Variants in RBPMS2 observed in about 807,000 individuals in gnomAD.
RBPMS2 encodes RNA-binding protein with multiple splicing 2.
A neutral mutation model predicts 25.7 loss-of-function variants in RBPMS2; 14 were observed. The ratio of observed to expected loss-of-function variants is 0.55; its 90% CI spans 0.36 to 0.85. The LOEUF (loss-of-function observed/expected upper bound fraction) is 0.85, where lower values mean the gene tolerates loss of function less well. RBPMS2 is among the 40% of genes least tolerant of loss of function. The pLI, the probability that RBPMS2 is intolerant of heterozygous loss-of-function variation, is 0.01. For synonymous variants in RBPMS2, 127 were observed against 115.6 expected, an observed-to-expected ratio of 1.10 and a Z score of -0.63; for missense variants, 252 against 283.4, an observed-to-expected ratio of 0.89 and a Z score of 0.80.
At chr15:64,750,020 C>T (rs372557362) in intron 3 of RBPMS2, among the ~76,000 whole-genome samples, 5 of 151,740 alleles carry the variant, frequency 3.3e-5, no homozygotes, top group Admixed American at 2.6e-4. Context: ...CGTGCCATTG[C>T]ACTCCAGCCT....
intron 1 of RBPMS2, among the ~76,000 whole-genome samples, chr15:64,774,271 G>C (rs187980229): frequency 2.0e-5 from 3 of 152,298 alleles, no homozygotes; most frequent in Admixed American, 6.5e-5. Context: ...GGGCAGGAAG[G>C]CTCTCTCACC....
intron 5 of RBPMS2, 143 bp downstream of exon 5, chr15:64,748,857 G>C (rs973032617): frequency 1.1e-6 from 1 of 919,318 alleles, no homozygotes; most frequent in African/African-American, 1.7e-5. Context: ...GGCTGCAGGG[G>C]AGGGAGGAAA....
intron 1 of RBPMS2, among the ~76,000 whole-genome samples, chr15:64,766,745 G>C (rs1188744712): frequency 6.6e-6 from 1 of 151,854 alleles, no homozygotes; most frequent in African/African-American, 2.4e-5. Flanking sequence ...TAGCCAGGAT[G>C]GTCTCGATCT....
At chr15:64,744,789 G>GTTTGGTTTGT (rs1567062870) in intron 6 of RBPMS2, among the ~76,000 whole-genome samples, 3 of 61,604 alleles carry the variant, frequency 4.9e-5, no homozygotes, top group Non-Finnish European at 8.8e-5. Flanking sequence ...AGTTTTTTTG[G>GTTTGGTTTGT]TTTGTTTTGT....
chr15:64,775,161 G>A (rs2083921256), intron 1 of RBPMS2, 72 bp downstream of exon 1: 11 of 863,060 alleles, frequency 1.3e-5, no homozygotes, highest in Non-Finnish European at 1.5e-5. Flanking sequence ...AGGCGCGGCA[G>A]GCCCCGCTCG....
At position 64,744,798 on chromosome 15, in the gene RBPMS2, G is replaced by T. The variant is rs796762762; in HGVS notation, c.568-3556C>A. On this transcript the variant is annotated intron_variant, in intron 6 of 7. Coordinates refer to ENST00000300069, the MANE Select transcript of RBPMS2 (RefSeq NM_194272.3). ...TATTTAAGTTTTTTTGGTTTGTTTT[G>T]TTTTTTTTTTTTTTTTTTTTTTTTT... 7.6e-3 allele frequency among the ~76,000 whole-genome samples: 350 copies of T among 46,288 alleles called. 28 individuals are homozygous for T. Among genetic ancestry groups the T allele is most frequent in the South Asian group, 0.038 (29 of 762 alleles). 30.4% of individuals were successfully genotyped at this position (46,288 alleles called of 152,430 possible).
At chr15:64,768,541 G>A (rs1237918078) in intron 1 of RBPMS2, among the ~76,000 whole-genome samples, 1 of 152,082 alleles carries the variant, frequency 6.6e-6, no homozygotes, top group Non-Finnish European at 1.5e-5. Context: ...GGGAGGATGA[G>A]GCTGAAGAAT....
intron 6 of RBPMS2, among the ~76,000 whole-genome samples, chr15:64,745,516 G>A (rs955984396): frequency 6.6e-6 from 1 of 152,142 alleles, no homozygotes; most frequent in South Asian, 2.1e-4. Flanking sequence ...ACCAGTTTAA[G>A]GGGGAGAAAA....
At chr15:64,751,418 C>CCAGGA in intron 2 of RBPMS2, 143 bp downstream of exon 2, 1 of 658,486 alleles carries the variant, frequency 1.5e-6, no homozygotes, top group South Asian at 1.8e-5. Flanking sequence ...ATTCGCAGAA[C>CCAGGA]CAGGACACGG....
intron 6 of RBPMS2, 32 bp downstream of exon 6, chr15:64,748,387 T>C (rs755448593): frequency 3.1e-6 from 5 of 1,606,692 alleles, no homozygotes; most frequent in Non-Finnish European, 3.4e-6. Context: ...AGAGCCCTTG[T>C]TCTTCGCCCT....
intron 1 of RBPMS2, among the ~76,000 whole-genome samples, chr15:64,768,385 A>G (rs181504763): frequency 7.9e-5 from 12 of 152,010 alleles, no homozygotes; most frequent in African/African-American, 2.9e-4. Context: ...CAAACCTATA[A>G]CCCAGCACTT....
chr15:64,747,371 C>G (rs2083627216), intron 6 of RBPMS2, among the ~76,000 whole-genome samples: 1 of 152,124 alleles, frequency 6.6e-6, no homozygotes, highest in African/African-American at 2.4e-5. Context: ...TCCTGTGAAC[C>G]CTCCTTTCTG....
chr15:64,758,120 C>T (rs754712684), intron 1 of RBPMS2, among the ~76,000 whole-genome samples: 1 of 152,204 alleles, frequency 6.6e-6, no homozygotes, highest in Non-Finnish European at 1.5e-5. Flanking sequence ...TCAGCACATA[C>T]ACAAAACGTT....
chr15:64,761,721 G>A (rs1245281733), intron 1 of RBPMS2, among the ~76,000 whole-genome samples: 1 of 9,334 alleles, frequency 1.1e-4, no homozygotes. Flanking sequence ...TTTTTTTTTT[G>A]AGACGGAGTC....
At chr15:64,775,149 C>T (rs2083921169) in intron 1 of RBPMS2, 84 bp downstream of exon 1, 4 of 767,336 alleles carry the variant, frequency 5.2e-6, no homozygotes, top group Non-Finnish European at 6.9e-6. Flanking sequence ...CCCGGCCCCG[C>T]GAGGCGCGGC....
chr15:64,751,950 C>T (rs1226592351), intron 1 of RBPMS2, among the ~76,000 whole-genome samples: 3 of 151,664 alleles, frequency 2.0e-5, no homozygotes, highest in Non-Finnish European at 4.4e-5. Flanking sequence ...AAACCCAGCC[C>T]AGCATGCCTT....
intron 6 of RBPMS2, among the ~76,000 whole-genome samples, chr15:64,744,877 C>T (rs1334557002): frequency 8.8e-6 from 1 of 113,728 alleles, no homozygotes; most frequent in East Asian, 3.1e-4. Flanking sequence ...TGCAGTGGCG[C>T]GATCTTGGCT....
At chr15:64,759,442 G>A (rs2083762237) in intron 1 of RBPMS2, among the ~76,000 whole-genome samples, 1 of 152,174 alleles carries the variant, frequency 6.6e-6, no homozygotes. Flanking sequence ...CAGCCTAGAG[G>A]TTAAGGGGTC....
chr15:64,762,277 C>T (rs184618670), intron 1 of RBPMS2: 49 of 462,082 alleles, frequency 1.1e-4, no homozygotes, highest in Admixed American at 2.6e-4. Context: ...AGGCCAACGA[C>T]GAGACTGACT....
Sources: allele counts gnomAD v4.1 joint callset (sites outside exome capture counted in the v4.1 genomes callset), GRCh38; gene constraint gnomAD v4.1.1; transcripts MANE v1.5; gene names NCBI Gene and HGNC (gene_info 2026-07-23, HGNC 2026-07-21).